The following DGAT1 variants were observed in gnomAD, a reference collection of about 807,000 sequenced individuals.
The protein encoded by DGAT1 is diacylglycerol O-acyltransferase 1, also known as ACAT related gene product 1.
A neutral mutation model predicts 72.6 loss-of-function variants in DGAT1; 60 were observed. The observed-to-expected ratio is 0.83, with a 90% confidence interval of 0.67 to 1.02. The LOEUF is 1.02. Among genes scored for constraint, DGAT1 ranks in the 50% least tolerant of loss-of-function variants. The pLI, the probability that DGAT1 is intolerant of heterozygous loss-of-function variation, is 0.00. For missense variants in DGAT1, 592 were observed against 670.0 expected (o/e 0.88, Z 1.29); for synonymous variants, 290 against 267.5 (o/e 1.08, Z -0.82).
Position 144,315,198 on chromosome 8 carries a change from T to C in DGAT1, c.*1356A>G, listed in dbSNP as rs144646549. 45,443 of 985,434 alleles carry C rather than the reference T, an allele frequency of 0.046. 1,081 individuals are homozygous for C. The highest frequency in any genetic ancestry group is 0.051 in the Non-Finnish European group (41,968 of 829,920). 61.0% of individuals were successfully genotyped at this position (985,434 alleles called of 1,614,324 possible). ...TTGTTCTCGAGCTCCACTGGCCAAC[T>C]GATAGGGAGAGGCACAGGAGCCCAT... On this transcript the variant is annotated 3_prime_UTR_variant, in exon 17 of 17. Transcript: ENST00000528718.
rs1031652022 is a variant in DGAT1, at chr8:144,315,686, C to T, written c.*868G>A. ...GCAGGGCTGCGCTGTCTGCACTGCCCAGCCTGGTGCCAGAAGAGCAGAGGG... is the reference window on the plus strand; with the variant it reads ...GCAGGGCTGCGCTGTCTGCACTGCCTAGCCTGGTGCCAGAAGAGCAGAGGG... On this transcript the variant is annotated 3_prime_UTR_variant, in exon 17 of 17. Coordinates refer to ENST00000528718, the MANE Select transcript of DGAT1 (RefSeq NM_012079.6). 1 of 951,846 alleles carries T rather than the reference C, an allele frequency of 1.1e-6. No homozygotes were observed. Among genetic ancestry groups the T allele is most frequent in the Non-Finnish European group, 1.3e-6 (1 of 799,282 alleles). 59.0% of individuals were successfully genotyped at this position (951,846 alleles called of 1,614,324 possible).
intron 3 of DGAT1, 47 bp downstream of exon 3, chr8:144,318,981 G>A (rs200952639): frequency 1.9e-6 from 2 of 1,030,356 alleles, no homozygotes; most frequent in East Asian, 9.5e-5. Context: ...GCGGGGCCTG[G>A]ACAGGCCATG....
intron 1 of DGAT1, among the ~76,000 whole-genome samples, chr8:144,322,277 G>A (rs1262513697): frequency 6.6e-6 from 1 of 152,220 alleles, no homozygotes; most frequent in Non-Finnish European, 1.5e-5. Flanking sequence ...AGGAAGCAGT[G>A]CTGGCTCATA....
At position 144,321,395 on chromosome 8, in the gene DGAT1, G is replaced by A. The variant is rs139748401; in HGVS notation, c.214C>T (p.Gln72Ter). ...GHWELRCHRL[Q>*]DSLFSSDSGF... ...CTGTCAGAGCTGAATAAAGAATCCT[G>A]CAGGCGATGGCACCTGACAGAGCAC... The change falls in exon 2 of 17, where the codon CAG becomes TAG. Residue 72 changes from glutamine (Q) to a stop codon, truncating the protein, a stop_gained. Coordinates refer to ENST00000528718, the MANE Select transcript of DGAT1 (RefSeq NM_012079.6). LOFTEE classifies it high-confidence loss of function. The A allele has an allele frequency of 1.2e-6, 2 of 1,613,814 alleles. No individual in the cohort carries two copies. The highest frequency in any genetic ancestry group is 2.2e-5 in the East Asian group (1 of 44,880).
chr8:144,320,736 T>C (rs1554848027), intron 2 of DGAT1, among the ~76,000 whole-genome samples: 1 of 151,912 alleles, frequency 6.6e-6, no homozygotes, highest in Admixed American at 6.6e-5. Flanking sequence ...GGCACAGGGC[T>C]CCATCTAATC....
Position 144,318,936 on chromosome 8 carries a change from T to TG in DGAT1, c.330-17dup. On this transcript the variant is annotated splice_polypyrimidine_tract_variant and intron_variant, in intron 3 of 16. Coordinates refer to ENST00000528718, the MANE Select transcript of DGAT1 (RefSeq NM_012079.6). ...GATGCCATACCTGGGGGTGGAGGGA[T>TG]GGGGGTCTGAGTGGGTGGCAGGTGG... 8.9e-7 allele frequency: 1 copy of TG among 1,119,848 alleles called. No individual in the cohort carries two copies. Among genetic ancestry groups the TG allele is most frequent in the Non-Finnish European group, 1.1e-6 (1 of 888,788 alleles). 69.4% of individuals were successfully genotyped at this position (1,119,848 alleles called of 1,614,324 possible).
Position 144,314,587 on chromosome 8 carries a change from T to C in DGAT1, c.*1967A>G, listed in dbSNP as rs1554846406. On this transcript the variant is annotated 3_prime_UTR_variant, in exon 17 of 17. Coordinates refer to ENST00000528718, the MANE Select transcript of DGAT1 (RefSeq NM_012079.6). ...ACACCTGGACTGACCCTGCAGGTTG[T>C]TCATAGTCAGAATTGTATTTTGGAT... The C allele has an allele frequency of 3.7e-6, 2 of 547,314 alleles. No individual in the cohort carries two copies. The highest frequency in any genetic ancestry group is 2.9e-5 in the East Asian group (1 of 34,502). The allele number at this position is 547,314 out of a possible 1,614,324, so 33.9% of individuals were successfully genotyped here.
Position 144,315,514 on chromosome 8 carries a change from G to C in DGAT1, c.*1040C>G. ...GGACACCAGGGCCTGGTCCAGTCTT[G>C]GGGTCTTTAATCAAGCAGTCACCCC... is the stretch of plus-strand genomic sequence containing the variant. On this transcript the variant is annotated 3_prime_UTR_variant, in exon 17 of 17. Coordinates refer to ENST00000528718, the MANE Select transcript of DGAT1 (RefSeq NM_012079.6). 1.0e-6 allele frequency: 1 copy of C among 985,618 alleles called. No homozygotes were observed. Among genetic ancestry groups the C allele is most frequent in the Non-Finnish European group, 1.2e-6 (1 of 830,094 alleles). 61.1% of individuals were successfully genotyped at this position (985,618 alleles called of 1,614,324 possible).
At chr8:144,324,652 C>T (rs1342773693) in intron 1 of DGAT1, among the ~76,000 whole-genome samples, 2 of 152,188 alleles carry the variant, frequency 1.3e-5, no homozygotes, top group East Asian at 3.8e-4. Flanking sequence ...CATCCCACAC[C>T]AGCAGAAGTA....
In DGAT1 at chr8:144,315,145, C is replaced by T. The variant is rs1426057251; in HGVS notation, c.*1409G>A. 3.0e-6 allele frequency: 3 copies of T among 985,352 alleles called. No individual in the cohort carries two copies. The highest frequency in any genetic ancestry group is 1.7e-5 in the African/African-American group (1 of 57,226). 61.0% of individuals were successfully genotyped at this position (985,352 alleles called of 1,614,324 possible). On this transcript the variant is annotated 3_prime_UTR_variant, in exon 17 of 17. Coordinates refer to ENST00000528718, the MANE Select transcript of DGAT1 (RefSeq NM_012079.6). ...GGCCTGCGCTGGGCAGTGGAGCAGG[C>T]TTTGCTGCTTTATCTGGCAGCAACA...
At chr8:144,325,486 C>T (rs1817574555) in intron 1 of DGAT1, among the ~76,000 whole-genome samples, 1 of 152,208 alleles carries the variant, frequency 6.6e-6, no homozygotes, top group Non-Finnish European at 1.5e-5. Context: ...CCAAAATCAG[C>T]CCACTTCTGC....
chr8:144,317,998 G>A lies in DGAT1; in HGVS notation c.771C>T (p.Phe257=), dbSNP rs782141799. ...LTYRDLYYFL[F]APTLCYELNF... is the part of the protein sequence containing the mutation. Reference sequence around the variant, plus strand: ...TGAGCTCGTAGCACAAGGTGGGGGCGAAGAGGAAGTAGTAGAGATCTGGAA... The same window carrying A: ...TGAGCTCGTAGCACAAGGTGGGGGCAAAGAGGAAGTAGTAGAGATCTGGAA... Residue 257 remains phenylalanine, a synonymous_variant, in exon 9 of 17, where the codon TTC becomes TTT. Coordinates refer to ENST00000528718, the MANE Select transcript of DGAT1 (RefSeq NM_012079.6). 2.2e-5 allele frequency: 34 copies of A among 1,518,952 alleles called. No individual in the cohort carries two copies. The highest frequency in any genetic ancestry group is 9.8e-5 in the African/African-American group (7 of 71,732). The allele number at this position is 1,518,952 out of a possible 1,614,324, so 94.1% of individuals were successfully genotyped here.
chr8:144,317,474 G>C, intron 12 of DGAT1, 29 bp from the exon 13 acceptor site: 1 of 1,613,654 alleles, frequency 6.2e-7, no homozygotes, highest in Non-Finnish European at 8.5e-7. Flanking sequence ...TGGGCACCAA[G>C]TTCTAGAACC....
At chr8:144,326,392 G>T in intron 1 of DGAT1, 45 bp downstream of exon 1, 1 of 1,369,036 alleles carries the variant, frequency 7.3e-7, no homozygotes. Flanking sequence ...CCGGAAAGTC[G>T]CGGGGCCCTT....
Position 144,315,234 on chromosome 8 carries a change from G to A in DGAT1, c.*1320C>T. The A allele has an allele frequency of 1.0e-6, 1 of 985,530 alleles. No individual in the cohort carries two copies. Among genetic ancestry groups the A allele is most frequent in the Non-Finnish European group, 1.2e-6 (1 of 829,992 alleles). The allele number at this position is 985,530 out of a possible 1,614,324, so 61.0% of individuals were successfully genotyped here. A position where few individuals can be genotyped will look rare whatever the true frequency, so the allele number is the denominator to read the frequency against. On this transcript the variant is annotated 3_prime_UTR_variant, in exon 17 of 17. Coordinates refer to ENST00000528718, the MANE Select transcript of DGAT1 (RefSeq NM_012079.6). ...GGCACAGGAGCCCATGTGGGATGGA[G>A]GAGTCGGCCCCACACCCATCCCCCC...
intron 1 of DGAT1, among the ~76,000 whole-genome samples, chr8:144,326,234 C>G (rs1817589933): frequency 6.6e-6 from 1 of 152,100 alleles, no homozygotes; most frequent in African/African-American, 2.4e-5. Context: ...TCTGCCTGGC[C>G]AAGGCCAGCT....
intron 2 of DGAT1, among the ~76,000 whole-genome samples, chr8:144,320,619 G>A (rs1254196273): frequency 3.3e-5 from 5 of 152,112 alleles, no homozygotes; most frequent in African/African-American, 4.8e-5. Context: ...TGCCCTGCAG[G>A]TGCCCCTTTG....
intron 13 of DGAT1, 40 bp from the exon 14 acceptor site, chr8:144,317,292 T>TG (rs1438715064): frequency 5.0e-6 from 8 of 1,613,126 alleles, no homozygotes; most frequent in Non-Finnish European, 6.8e-6. Flanking sequence ...GAGCACACCA[T>TG]GGCCCATCCC....
intron 1 of DGAT1, among the ~76,000 whole-genome samples, chr8:144,324,042 C>T (rs1483677228): frequency 1.3e-5 from 2 of 152,218 alleles, no homozygotes; most frequent in Non-Finnish European, 2.9e-5. Context: ...AGCCAGAAAC[C>T]GGATGGCCCC....
Sources: gnomAD v4.1 joint callset for allele counts (sites outside exome capture counted in the v4.1 genomes callset) on GRCh38, gnomAD v4.1.1 for gene constraint, MANE v1.5 for transcripts, NCBI Gene and HGNC (gene_info 2026-07-23, HGNC 2026-07-21) for gene names.